The following TNRC18 variants were observed in gnomAD, a reference collection of about 807,000 sequenced individuals.
TNRC18 encodes the protein trinucleotide repeat containing 18.
A neutral mutation model predicts 226.7 loss-of-function variants in TNRC18; 69 were observed. That is an observed-to-expected ratio of 0.30 (90% CI 0.25 to 0.37). The LOEUF is 0.37. Among genes scored for constraint, TNRC18 ranks in the 10% least tolerant of loss-of-function variants. The probability of loss-of-function intolerance (pLI) is 1.00; values close to 1 mark genes in which losing one functional copy is unlikely to be tolerated. For missense variants in TNRC18, 4,754 were observed against 4,256.6 expected, an observed-to-expected ratio of 1.12 and a Z score of -3.25; for synonymous variants, 2,449 against 1,927.6, an observed-to-expected ratio of 1.27 and a Z score of -7.09.
At position 5,356,898 on chromosome 7, in the gene TNRC18, G is replaced by A. The variant is rs1247897061; in HGVS notation, c.5194+18C>T. 6 of 1,510,572 alleles carry A rather than the reference G, an allele frequency of 4.0e-6. No individual in the cohort carries two copies. Among genetic ancestry groups the A allele is most frequent in the South Asian group, 1.3e-5 (1 of 78,172 alleles). The allele number at this position is 1,510,572 out of a possible 1,614,324, so 93.6% of individuals were successfully genotyped here. A position where few individuals can be genotyped will look rare whatever the true frequency, so the allele number is the denominator to read the frequency against. ...AGAGAAGCAGCGGACCAGAGGTGGC[G>A]CGGCATACGCTACTTACTGTAAGAG... On this transcript the variant is annotated intron_variant, in intron 16 of 29. Coordinates refer to ENST00000430969, the MANE Select transcript of TNRC18 (RefSeq NM_001080495.3).
Position 5,362,637 on chromosome 7 carries a change from G to C in TNRC18, c.4395+13C>G. 6.5e-7 allele frequency: 1 copy of C among 1,545,064 alleles called. No individual in the cohort carries two copies. Among genetic ancestry groups the C allele is most frequent in the South Asian group, 1.2e-5 (1 of 81,688 alleles). On this transcript the variant is annotated intron_variant, in intron 12 of 29. Coordinates refer to ENST00000430969, the MANE Select transcript of TNRC18 (RefSeq NM_001080495.3). ...CCCCGCGGACCCCAGGGAGGAAGCA[G>C]CCAGCCGCTCACCCGCTCCTCCTTC...
intron 2 of TNRC18, among the ~76,000 whole-genome samples, chr7:5,402,882 AT>A (rs1781207060): frequency 6.6e-6 from 1 of 151,612 alleles, no homozygotes; most frequent in South Asian, 2.1e-4. Flanking sequence ...ATGGTGTGGA[AT>A]GGGGGGGCAA....
At chr7:5,358,228 T>G (rs1187364622) in intron 15 of TNRC18, among the ~76,000 whole-genome samples, 1 of 152,178 alleles carries the variant, frequency 6.6e-6, no homozygotes, top group Non-Finnish European at 1.5e-5. Context: ...CGATTAGAGA[T>G]TTCACAGATT....
chr7:5,388,489 G>C lies in TNRC18; in HGVS notation c.1335C>G (p.Pro445=). Residue 445 remains proline, a synonymous_variant, in exon 5 of 30, where the codon CCC becomes CCG. Transcript: ENST00000430969. ...GGGAGGCGCGTGTGGCCCGCACCGT[G>C]GGGGCATCCGCGGGGGGCGGCCGCT... ...SLKRPPPADA[P]TVRATRASPD... The C allele has an allele frequency of 7.4e-7, 1 of 1,358,516 alleles. No homozygotes were observed. Among genetic ancestry groups the C allele is most frequent in the South Asian group, 1.6e-5 (1 of 61,116 alleles). The allele number at this position is 1,358,516 out of a possible 1,614,324, so 84.2% of individuals were successfully genotyped here. A position where few individuals can be genotyped will look rare whatever the true frequency, so the allele number is the denominator to read the frequency against.
intron 2 of TNRC18, among the ~76,000 whole-genome samples, chr7:5,419,290 T>C (rs761768982): frequency 6.6e-6 from 1 of 152,254 alleles, no homozygotes; most frequent in Non-Finnish European, 1.5e-5. Context: ...CACTTTGCCT[T>C]GCCAGGCCGG....
rs1246463450 is a variant in TNRC18, at chr7:5,390,524, T to C, written c.448A>G (p.Ser150Gly). The change falls in exon 4 of 30, where the codon AGC becomes GGC. Residue 150 changes from serine (S) to glycine (G), a missense_variant. By Grantham distance (56) the Ser-to-Gly change is moderately conservative. Transcript: ENST00000430969. ...TGACCTTTCTGGGTATCGAAAATGC[T>C]GGGCTGACCCAGCTGGCTGAGGAGG... is the stretch of plus-strand genomic sequence containing the variant. Reference protein sequence around the residue: ...SPLLSQLGQPSIFDTQKGQGP... With the variant: ...SPLLSQLGQPGIFDTQKGQGP... The C allele has an allele frequency of 6.2e-7, 1 of 1,613,678 alleles. No individual in the cohort carries two copies. Among genetic ancestry groups the C allele is most frequent in the African/African-American group, 1.3e-5 (1 of 74,980 alleles).
chr7:5,422,036 G>A (rs1236492470), intron 1 of TNRC18, among the ~76,000 whole-genome samples: 2 of 152,124 alleles, frequency 1.3e-5, no homozygotes, highest in East Asian at 1.9e-4. Flanking sequence ...GTGTTTTTCT[G>A]GGGGTGGGAG....
intron 17 of TNRC18, among the ~76,000 whole-genome samples, chr7:5,348,683 G>A (rs1305459879): frequency 5.3e-5 from 8 of 151,996 alleles, no homozygotes; most frequent in Non-Finnish European, 4.4e-5. Flanking sequence ...AGGAGCCAGA[G>A]GGAGAGGGAG....
At chr7:5,308,843 A>ACC in intron 29 of TNRC18, 32 bp downstream of exon 29, 18 of 835,944 alleles carry the variant, frequency 2.2e-5, no homozygotes, top group Admixed American at 4.2e-5. Flanking sequence ...GCCATCCCCA[A>ACC]CCCGCCCACC....
chr7:5,386,264 G>A (rs537177400), intron 5 of TNRC18, among the ~76,000 whole-genome samples: 44 of 151,980 alleles, frequency 2.9e-4, no homozygotes, highest in African/African-American at 1.0e-3. Flanking sequence ...CTCCAGCCTG[G>A]GTGACAGAGC....
At position 5,309,324 on chromosome 7, in the gene TNRC18, G is replaced by A. The variant is rs767035447; in HGVS notation, c.8433C>T (p.Ala2811=). Residue 2811 remains alanine, a synonymous_variant, in exon 28 of 30, where the codon GCC becomes GCT. Transcript: ENST00000430969. This position sits in a 1 kb window ranked among gnomAD's most constrained non-coding sequence, Gnocchi z 5.7. ...KGKARKLFYK[A]IVRGKEMIRI... is the part of the protein sequence containing the mutation. ...GGATCATCTCCTTGCCGCGCACGATGGCCTTGTAGAAGAGCTTGCGGGCCT... is the reference window on the plus strand; with the variant it reads ...GGATCATCTCCTTGCCGCGCACGATAGCCTTGTAGAAGAGCTTGCGGGCCT... The A allele has an allele frequency of 5.6e-6, 9 of 1,613,884 alleles. No individual in the cohort carries two copies. Among genetic ancestry groups the A allele is most frequent in the East Asian group, 2.2e-5 (1 of 44,878 alleles).
At chr7:5,359,205 C>G (rs554676870) in intron 15 of TNRC18, among the ~76,000 whole-genome samples, 193 bp downstream of exon 15, 15 of 152,308 alleles carry the variant, frequency 9.8e-5, no homozygotes, top group African/African-American at 3.6e-4. Context: ...AGGTCTCTGA[C>G]CTCCTCTGGG....
rs1211877086 is a variant in TNRC18 at position 5,325,229 on chromosome 7, G to C, written c.6167C>G (p.Ala2056Gly). 6.4e-7 allele frequency: 1 copy of C among 1,553,656 alleles called. No homozygotes were observed. The highest frequency in any genetic ancestry group is 8.7e-7 in the Non-Finnish European group (1 of 1,153,384). The stretch of plus-strand genomic sequence containing the variant: ...CGGCGGCAGCCCAGCTCCTGGCCCA[G>C]CCTCTTTCCCTTTCTTCTTCTGGAG... ...DPRKKKKGKEAGPGAGLPPPR... is the reference protein window; with the variant it reads ...DPRKKKKGKEGGPGAGLPPPR... Residue 2056 changes from alanine to glycine, a missense_variant, in exon 20 of 30, where the codon GCT (alanine) becomes GGT (glycine). By Grantham distance (60) the Ala-to-Gly change is moderately conservative (BLOSUM62 0). Coordinates refer to ENST00000430969, the MANE Select transcript of TNRC18 (RefSeq NM_001080495.3).
chr7:5,369,527 C>T (rs1162659158), intron 11 of TNRC18, among the ~76,000 whole-genome samples: 3 of 151,966 alleles, frequency 2.0e-5, no homozygotes, highest in African/African-American at 4.8e-5. Flanking sequence ...GACAGTAAGT[C>T]GGCCTTGAAT....
chr7:5,416,377 T>C (rs928634661), intron 2 of TNRC18, among the ~76,000 whole-genome samples: 1 of 151,960 alleles, frequency 6.6e-6, no homozygotes, highest in Non-Finnish European at 1.5e-5. Context: ...ATGGAGCCAC[T>C]GCACTCCAGC....
At chr7:5,333,859 C>T (rs1789815125) in intron 18 of TNRC18, among the ~76,000 whole-genome samples, 2 of 152,334 alleles carry the variant, frequency 1.3e-5, no homozygotes, top group Non-Finnish European at 2.9e-5. Flanking sequence ...ACAGGCAATG[C>T]CACACCTTCG....
At chr7:5,325,336 G>A (rs1788789356) in intron 19 of TNRC18, 88 bp from the exon 20 acceptor site, 1 of 1,448,212 alleles carries the variant, frequency 6.9e-7, no homozygotes, top group Non-Finnish European at 9.2e-7. Context: ...TCACCCCCAA[G>A]TTCTGTGCCA....
At chr7:5,375,238 G>A (rs946632659) in intron 9 of TNRC18, among the ~76,000 whole-genome samples, 2 of 152,180 alleles carry the variant, frequency 1.3e-5, no homozygotes, top group African/African-American at 4.8e-5. Context: ...GAACCCAGGA[G>A]GCGGAGGTTG....
chr7:5,329,160 G>C (rs189764699), intron 19 of TNRC18, among the ~76,000 whole-genome samples: 2 of 152,028 alleles, frequency 1.3e-5, no homozygotes, highest in Non-Finnish European at 2.9e-5. Context: ...AAAGTGAGCC[G>C]AGCATGGTGG....
Sources: allele counts gnomAD v4.1 joint callset (sites outside exome capture counted in the v4.1 genomes callset), GRCh38; gene constraint gnomAD v4.1.1; non-coding constraint Gnocchi (gnomAD v3.1); transcripts MANE v1.5; gene names NCBI Gene and HGNC (gene_info 2026-07-23, HGNC 2026-07-21).